Variants in PIGT observed in about 807,000 individuals in gnomAD.
The protein encoded by PIGT is phosphatidylinositol glycan anchor biosynthesis class T.
Under a neutral mutation model 66.7 loss-of-function variants are expected in PIGT, and 57 were observed. The observed-to-expected ratio is 0.86, with a 90% confidence interval of 0.69 to 1.07. PIGT has a LOEUF of 1.07. Among genes scored for constraint, PIGT ranks in the 50% least tolerant of loss-of-function variants. PIGT has a pLI of 0.00. For missense variants in PIGT, 725 were observed against 740.4 expected (o/e 0.98, Z 0.24); for synonymous variants, 362 against 320.5 (o/e 1.13, Z -1.38).
In PIGT at chr20:45,416,548, G is replaced by A; in HGVS notation, c.219G>A (p.Leu73=). The change falls in exon 2 of 12, where the codon CTG becomes CTA. Residue 73 remains leucine, a synonymous_variant. Coordinates refer to ENST00000279036, the MANE Select transcript of PIGT (RefSeq NM_015937.6). ...VSHYRLFPKA[L]GQLISKYSLR... is the part of the protein sequence containing the mutation. ...ATTACAGGCTCTTTCCCAAAGCCCT[G>A]GGGCAGCTGATCTCCAAGTATTCTC... is the stretch of plus-strand genomic sequence containing the variant. The A allele has an allele frequency of 1.2e-6, 2 of 1,614,156 alleles. No individual in the cohort carries two copies. Among genetic ancestry groups the A allele is most frequent in the East Asian group, 2.2e-5 (1 of 44,886 alleles).
Position 45,421,570 on chromosome 20 carries a change from G to T in PIGT, c.1221G>T (p.Lys407Asn). 1 of 1,614,094 alleles carries T rather than the reference G, an allele frequency of 6.2e-7. No individual in the cohort carries two copies. Among genetic ancestry groups the T allele is most frequent in the African/African-American group, 1.3e-5 (1 of 75,004 alleles). Residue 407 changes from lysine (K) to asparagine (N), a missense_variant, in exon 9 of 12, where the codon AAG becomes AAT. By Grantham distance (94) the Lys-to-Asn change is moderately conservative. Transcript: ENST00000279036. ...VHTLTITSKG[K>N]ENKPSYIHYQ... is the part of the protein sequence containing the mutation. ...CCCTCACCATCACCTCCAAGGGCAA[G>T]GAGAACAAACCAAGTGAGGACCTGA...
In PIGT at chr20:45,425,825, G is replaced by A; in HGVS notation, c.1736G>A (p.Ter579=). The change falls in exon 12 of 12, where the codon TGA becomes TAA. Residue 579 remains the stop codon, a stop_retained_variant. Transcript: ENST00000279036. The part of the protein sequence containing the change: ...IRRARGVPPL[*] ...CGCGCCCGAGGTGTCCCCCCACTCT[G>A]ATTCTTGCCCTTTCCAGCAGCTGCA... The A allele has an allele frequency of 1.2e-6, 2 of 1,612,292 alleles. No individual in the cohort carries two copies. The highest frequency in any genetic ancestry group is 1.7e-6 in the Non-Finnish European group (2 of 1,178,906).
At chr20:45,425,460 C>T in intron 11 of PIGT, 114 bp from the exon 12 acceptor site, 3 of 1,259,436 alleles carry the variant, frequency 2.4e-6, no homozygotes, top group South Asian at 2.9e-5. Context: ...AGGTTTTGAG[C>T]CTAAGAGAAC....
chr20:45,419,090 C>A (rs1213920453), intron 3 of PIGT, 111 bp downstream of exon 3: 12 of 1,403,106 alleles, frequency 8.6e-6, no homozygotes, highest in Non-Finnish European at 1.2e-5. Flanking sequence ...TCCTAAGTCC[C>A]CTGTGTGTGC....
At chr20:45,419,075 C>A in intron 3 of PIGT, 96 bp downstream of exon 3, 1 of 1,512,136 alleles carries the variant, frequency 6.6e-7, no homozygotes, top group African/African-American at 1.4e-5. Flanking sequence ...TCAGCCTGGG[C>A]TAGATCCTAA....
chr20:45,424,148 A>G, intron 9 of PIGT, 68 bp from the exon 10 acceptor site: 1 of 1,463,120 alleles, frequency 6.8e-7, no homozygotes, highest in Non-Finnish European at 9.5e-7. Context: ...CATGGCAAGC[A>G]GCAGGGACAG....
chr20:45,418,733 C>G (rs1214953781), intron 2 of PIGT, 119 bp from the exon 3 acceptor site: 9 of 1,272,756 alleles, frequency 7.1e-6, no homozygotes, highest in Non-Finnish European at 9.1e-6. Context: ...ATCAACTGGC[C>G]CGTCTAATAG....
At chr20:45,424,881 T>C in intron 11 of PIGT, 1 of 415,208 alleles carries the variant, frequency 2.4e-6, no homozygotes, top group South Asian at 2.5e-5. Context: ...GCACTGAGTG[T>C]GCAAGATTAA....
intron 11 of PIGT, 81 bp downstream of exon 11, chr20:45,424,660 G>A (rs1568954166): frequency 1.6e-5 from 16 of 1,028,302 alleles, no homozygotes; most frequent in Non-Finnish European, 1.8e-5. Context: ...TCCTGCAGGG[G>A]AGTTCAGGGT....
intron 9 of PIGT, chr20:45,423,878 AT>A: frequency 3.2e-6 from 1 of 313,582 alleles, no homozygotes; most frequent in Non-Finnish European, 6.2e-6. Flanking sequence ...CATGTCCCAC[AT>A]TTTTGGCAAG....
At position 45,416,291 on chromosome 20, in the gene PIGT, C is replaced by T. The variant is rs1203306715; in HGVS notation, c.135C>T (p.Ala45=). 1 of 1,599,134 alleles carries T rather than the reference C, an allele frequency of 6.3e-7. No individual in the cohort carries two copies. Among genetic ancestry groups the T allele is most frequent in the South Asian group, 1.1e-5 (1 of 88,670 alleles). Residue 45 remains alanine, a synonymous_variant, in exon 1 of 12, where the codon GCC becomes GCT. Transcript: ENST00000279036. ...VITPLPSGDV[A]ATFQFRTRWD... ...CCCCGCTGCCTTCCGGGGACGTAGC[C>T]GCCACATTCCAGTTCCGCACGCGCT... is the stretch of plus-strand genomic sequence containing the variant.
intron 11 of PIGT, chr20:45,424,786 ATACTTT>A: frequency 1.7e-6 from 1 of 585,202 alleles, no homozygotes; most frequent in South Asian, 2.1e-5. Flanking sequence ...TTCTAGAAGA[ATACTTT>A]TACTTACAGC....
intron 9 of PIGT, chr20:45,422,777 A>G (rs1315510349): frequency 6.6e-6 from 1 of 152,156 alleles, no homozygotes; most frequent in African/African-American, 2.4e-5. Context: ...ACCTTTAAAT[A>G]CTTTAAGGAT....
intron 9 of PIGT, chr20:45,423,281 G>A (rs1375106557): frequency 6.6e-6 from 1 of 151,542 alleles, no homozygotes; most frequent in Non-Finnish European, 1.5e-5. Flanking sequence ...AGCCAGGGTG[G>A]TCTCGATCTT....
At chr20:45,422,084 A>G (rs1990399802) in intron 9 of PIGT, 1 of 152,152 alleles carries the variant, frequency 6.6e-6, no homozygotes, top group South Asian at 2.1e-4. Flanking sequence ...AGAAGATAAT[A>G]TTAGTGCTTC....
chr20:45,416,230 C>T lies in PIGT; in HGVS notation c.74C>T (p.Pro25Leu), dbSNP rs1227162426. The T allele has an allele frequency of 1.3e-6, 2 of 1,597,146 alleles. No homozygotes were observed. Among genetic ancestry groups the T allele is most frequent in the Admixed American group, 3.5e-5 (2 of 57,584 alleles). Residue 25 changes from proline (P) to leucine (L), a missense_variant, in exon 1 of 12, where the codon CCC (proline) becomes CTC (leucine). This residue lies in a region of PIGT where 559 missense variants were observed against 552.7 expected (regional missense o/e 1.01). Transcript: ENST00000279036. ...CCCGGCGGCTGGTGCCTTGCAGAAC[C>T]CCCACGCGACAGCCTGCGGGAGGAA... ...LGPGGWCLAE[P>L]PRDSLREELV... is the part of the protein sequence containing the mutation.
At position 45,425,903 on chromosome 20, in the gene PIGT, T is replaced by C; in HGVS notation, c.*77T>C. On this transcript the variant is annotated 3_prime_UTR_variant, in exon 12 of 12. Coordinates refer to ENST00000279036, the MANE Select transcript of PIGT (RefSeq NM_015937.6). ...CCCAAGGGCTGTTTCTGCCACTTGCTCTCCTCAGAGTTGGCTTTTGAACCA... is the reference window on the plus strand; with the variant it reads ...CCCAAGGGCTGTTTCTGCCACTTGCCCTCCTCAGAGTTGGCTTTTGAACCA... 6.5e-7 allele frequency: 1 copy of C among 1,531,266 alleles called. No individual in the cohort carries two copies. The highest frequency in any genetic ancestry group is 8.8e-7 in the Non-Finnish European group (1 of 1,135,950). 94.9% of individuals were successfully genotyped at this position (1,531,266 alleles called of 1,614,324 possible).
Position 45,420,589 on chromosome 20 carries a change from G to T in PIGT, c.929G>T (p.Gly310Val). The part of the protein sequence containing the change: ...PTTTYQDVIL[G>V]TRKTYAIYDL... The stretch of plus-strand genomic sequence containing the variant: ...ACTACATATCAGGACGTCATCCTAG[G>T]CACTCGGAAGACCTATGCCATCTAT... Residue 310 changes from glycine to valine, a missense_variant, in exon 8 of 12, where the codon GGC becomes GTC. Gly to Val is a moderately radical substitution (Grantham distance 109). This residue lies in a region of PIGT where 559 missense variants were observed against 552.7 expected (regional missense o/e 1.01). Transcript: ENST00000279036. 6.2e-7 allele frequency: 1 copy of T among 1,613,692 alleles called. No individual in the cohort carries two copies. The highest frequency in any genetic ancestry group is 8.5e-7 in the Non-Finnish European group (1 of 1,179,940).
intron 1 of PIGT, 38 bp downstream of exon 1, chr20:45,416,381 A>C: frequency 2.6e-6 from 4 of 1,555,302 alleles, no homozygotes; most frequent in Non-Finnish European, 3.5e-6. Flanking sequence ...AGATTTCCGT[A>C]GTGCCTGCTG....
Sources: allele counts gnomAD v4.1 joint callset, GRCh38; gene constraint gnomAD v4.1.1; regional missense constraint gnomAD v4.1.1; transcripts MANE v1.5; gene names NCBI Gene and HGNC (gene_info 2026-07-23, HGNC 2026-07-21).